The following GPC5 variants were observed in gnomAD, a reference collection of about 807,000 sequenced individuals.
GPC5 encodes the protein glypican-5.
A neutral mutation model predicts 53.9 loss-of-function variants in GPC5; 47 were observed. That is an observed-to-expected ratio of 0.87 (90% CI 0.69 to 1.11). GPC5 has a LOEUF of 1.11. Ranked by LOEUF, GPC5 falls within the 50% of genes most tolerant of loss-of-function variation. The pLI is 0.00. For missense variants in GPC5, 748 were observed against 713.1 expected (o/e 1.05, Z -0.56); for synonymous variants, 286 against 263.3 (o/e 1.09, Z -0.84).
intron 7 of GPC5, among the ~76,000 whole-genome samples, chr13:92,199,438 G>A (rs1353710505): frequency 1.3e-5 from 2 of 152,046 alleles, no homozygotes; most frequent in African/African-American, 4.8e-5. Context: ...TCCAGTTATA[G>A]AAAATGGTTA....
chr13:91,554,817 T>G (rs1468720891), intron 2 of GPC5, among the ~76,000 whole-genome samples: 1 of 152,034 alleles, frequency 6.6e-6, no homozygotes, highest in African/African-American at 2.4e-5. Context: ...GAAAAATAAG[T>G]TATTACAGAA....
chr13:91,744,251 A>T (rs1003468457), intron 4 of GPC5, among the ~76,000 whole-genome samples: 2 of 152,166 alleles, frequency 1.3e-5, no homozygotes. Context: ...TACATTAATT[A>T]TTCCTGGTCA....
At chr13:92,242,393 A>T (rs772986774) in intron 7 of GPC5, among the ~76,000 whole-genome samples, 2 of 152,132 alleles carry the variant, frequency 1.3e-5, no homozygotes, top group African/African-American at 4.8e-5. Flanking sequence ...CCATTTTGAC[A>T]TGCATTTATC....
At chr13:91,728,923 C>T (rs2036635338) in intron 4 of GPC5, among the ~76,000 whole-genome samples, 1 of 151,998 alleles carries the variant, frequency 6.6e-6, no homozygotes. Context: ...ATATTGGGGG[C>T]CCTGGGCACA....
intron 5 of GPC5, among the ~76,000 whole-genome samples, chr13:91,828,366 G>A (rs1443690155): frequency 6.6e-6 from 1 of 151,708 alleles, no homozygotes; most frequent in Non-Finnish European, 1.5e-5. Flanking sequence ...TAGGTAGGTA[G>A]GTAGGTAGGT....
At chr13:91,637,691 G>A (rs776986985) in intron 2 of GPC5, among the ~76,000 whole-genome samples, 5 of 152,194 alleles carry the variant, frequency 3.3e-5, no homozygotes, top group African/African-American at 4.8e-5. Flanking sequence ...CCACTGCTAA[G>A]GCGAAGAGAG....
At chr13:91,800,492 A>G (rs542656810) in intron 5 of GPC5, among the ~76,000 whole-genome samples, 83 of 152,254 alleles carry the variant, frequency 5.5e-4, no homozygotes, top group African/African-American at 2.0e-3. Flanking sequence ...TAGGAATCCT[A>G]TAGAACGTCT....
chr13:91,898,375 C>T (rs2039464786), intron 5 of GPC5, among the ~76,000 whole-genome samples: 1 of 152,082 alleles, frequency 6.6e-6, no homozygotes, highest in Non-Finnish European at 1.5e-5. Flanking sequence ...TTCCTTTTGG[C>T]CTTCAGTAAC....
chr13:92,033,162 C>T (rs745941827), intron 6 of GPC5, among the ~76,000 whole-genome samples: 5 of 151,756 alleles, frequency 3.3e-5, no homozygotes, highest in Non-Finnish European at 5.9e-5. Context: ...ATATCTCAAC[C>T]TCCAAAGCCT....
chr13:91,648,246 G>T (rs1387790095), intron 2 of GPC5, among the ~76,000 whole-genome samples: 2 of 152,100 alleles, frequency 1.3e-5, no homozygotes, highest in Non-Finnish European at 1.5e-5. Context: ...CATGATCCTA[G>T]ACACTGGAGC....
chr13:92,209,770 C>T (rs1183212164), intron 7 of GPC5, among the ~76,000 whole-genome samples: 2 of 151,992 alleles, frequency 1.3e-5, no homozygotes, highest in Non-Finnish European at 2.9e-5. Context: ...TTAGGGTTCT[C>T]TAGAGGGACA....
At chr13:91,564,461 C>T (rs1451495120) in intron 2 of GPC5, among the ~76,000 whole-genome samples, 1 of 152,122 alleles carries the variant, frequency 6.6e-6, no homozygotes, top group Non-Finnish European at 1.5e-5. Context: ...TTTATACTTT[C>T]TGCCATTTCA....
At chr13:92,256,946 T>G (rs2042730318) in intron 7 of GPC5, among the ~76,000 whole-genome samples, 1 of 152,092 alleles carries the variant, frequency 6.6e-6, no homozygotes, top group Non-Finnish European at 1.5e-5. Context: ...ATAAAAATGC[T>G]TAGTAGCTCC....
chr13:92,084,871 G>T (rs577388082), intron 6 of GPC5, among the ~76,000 whole-genome samples: 83 of 152,260 alleles, frequency 5.5e-4, no homozygotes, highest in Non-Finnish European at 1.1e-3. Context: ...AAACACGTTA[G>T]ACAGGATAAT....
chr13:91,909,393 A>G (rs2039587910), intron 6 of GPC5, among the ~76,000 whole-genome samples: 1 of 152,306 alleles, frequency 6.6e-6, no homozygotes, highest in South Asian at 2.1e-4. Flanking sequence ...AGTGAGTACA[A>G]TCTCACTGTG....
chr13:92,201,014 C>T (rs1048422091), intron 7 of GPC5, among the ~76,000 whole-genome samples: 12 of 138,698 alleles, frequency 8.7e-5, no homozygotes, highest in African/African-American at 1.1e-4. Context: ...CACACACGCA[C>T]ACACACGGGA....
intron 7 of GPC5, among the ~76,000 whole-genome samples, chr13:92,739,636 C>T (rs1396049448): frequency 1.3e-5 from 2 of 151,604 alleles, no homozygotes; most frequent in African/African-American, 4.8e-5. Flanking sequence ...ATTACGTCAT[C>T]TCTCTTCAGC....
chr13:91,806,512 T>TA (rs2038225360), intron 5 of GPC5, among the ~76,000 whole-genome samples: 1 of 151,506 alleles, frequency 6.6e-6, no homozygotes, highest in South Asian at 2.1e-4. Flanking sequence ...TGGCAGGGGG[T>TA]GATGCCTCAC....
In GPC5 at chr13:91,987,117, A is replaced by T. The variant is rs186522271; in HGVS notation, c.1401+79060A>T. 8.3e-4 allele frequency among the ~76,000 whole-genome samples: 127 copies of T among 152,358 alleles called. 1 individual carries two copies. Among genetic ancestry groups the T allele is most frequent in the Middle Eastern group, 6.8e-3 (2 of 294 alleles). On this transcript the variant is annotated intron_variant, in intron 6 of 7. Coordinates refer to ENST00000377067, the MANE Select transcript of GPC5 (RefSeq NM_004466.6). ...CAGGTAGGAAGACGTTATGGCAAGG[A>T]ATGTGTTTCCTTAAACAACTTTTAA...
Sources: gnomAD v4.1 joint callset for allele counts (sites outside exome capture counted in the v4.1 genomes callset) on GRCh38, gnomAD v4.1.1 for gene constraint, MANE v1.5 for transcripts, NCBI Gene and HGNC (gene_info 2026-07-23, HGNC 2026-07-21) for gene names.